Variants in GRIN2D observed in about 807,000 individuals in gnomAD.
GRIN2D encodes glutamate ionotropic receptor NMDA type subunit 2D.
Under a neutral mutation model 103.2 loss-of-function variants are expected in GRIN2D, and 37 were observed. The ratio of observed to expected loss-of-function variants is 0.36; its 90% CI spans 0.28 to 0.47. The LOEUF (loss-of-function observed/expected upper bound fraction) is 0.47, where lower values mean the gene tolerates loss of function less well. Ranked by LOEUF, GRIN2D falls within the 20% of genes least tolerant of loss-of-function variation. GRIN2D has a pLI of 1.00. For missense variants in GRIN2D, 1,557 were observed against 1,910.6 expected (o/e 0.81, Z 3.45); for synonymous variants, 845 against 885.6 (o/e 0.95, Z 0.81).
Position 48,398,429 on chromosome 19 carries a change from C to A in GRIN2D, c.37C>A (p.Pro13Thr). ...CGGTGGCCCCCGCGGCCCTCGGGGC[C>A]CCGCTAAGATGCTGCTGCTGCTGGC... ...GAGGPRGPRG[P>T]AKMLLLLALA... The change falls in exon 3 of 14, where the codon CCC becomes ACC. Residue 13 changes from proline to threonine, a missense_variant. Around this residue, in one of 7 missense-constraint regions of GRIN2D, gnomAD observed 490 missense variants for 601.1 expected, o/e 0.82. Coordinates refer to ENST00000263269, the MANE Select transcript of GRIN2D (RefSeq NM_000836.4). The A allele has an allele frequency of 8.9e-7, 1 of 1,119,372 alleles. No homozygotes were observed. The allele number at this position is 1,119,372 out of a possible 1,614,324, so 69.3% of individuals were successfully genotyped here.
chr19:48,413,426 C>T (rs909207947), intron 4 of GRIN2D, among the ~76,000 whole-genome samples: 2 of 151,858 alleles, frequency 1.3e-5, no homozygotes, highest in African/African-American at 2.4e-5. Context: ...TTGCAGTGAG[C>T]GAAGATCATG....
At chr19:48,427,733 G>T (rs907713515) in intron 11 of GRIN2D, among the ~76,000 whole-genome samples, 1 of 151,704 alleles carries the variant, frequency 6.6e-6, no homozygotes, top group African/African-American at 2.4e-5. Flanking sequence ...CGCCCGTCTC[G>T]GCCTCCCAAA....
intron 11 of GRIN2D, among the ~76,000 whole-genome samples, chr19:48,426,224 C>CTTTCTTTCTTTTTTTTTTTTTTCT (rs1555893889): frequency 2.5e-5 from 3 of 120,118 alleles, no homozygotes; most frequent in African/African-American, 1.1e-4. Flanking sequence ...TTCTTTCTTT[C>CTTTCTTTCTTTTTTTTTTTTTTCT]TTTTTTTTTT....
At chr19:48,419,865 A>G in intron 10 of GRIN2D, 51 bp downstream of exon 10, 1 of 996,080 alleles carries the variant, frequency 1.0e-6, no homozygotes, top group Non-Finnish European at 1.4e-6. Flanking sequence ...GCTGGAGGTC[A>G]CAGAGCTTGT....
In GRIN2D at chr19:48,443,633, C is replaced by A; in HGVS notation, c.3707C>A (p.Pro1236Gln). The change falls in exon 14 of 14, where the codon CCG becomes CAG. Residue 1236 changes from proline to glutamine, a missense_variant. Physicochemically the swap from Pro to Gln is moderately conservative, Grantham distance 76. Transcript: ENST00000263269. The surrounding 1 kb of genome is among the most constrained non-coding windows in gnomAD (Gnocchi z 8.9). ...TGCCCGCGGTCGCACCCGCACCGCC[C>A]GCGGGCCTCGCACCGCACGCCCGCC... ...CGCPRSHPHR[P>Q]RASHRTPAAA... is the part of the protein sequence containing the mutation. 9.3e-7 allele frequency: 1 copy of A among 1,077,884 alleles called. No individual in the cohort carries two copies. The highest frequency in any genetic ancestry group is 4.1e-5 in the South Asian group (1 of 24,550). 66.8% of individuals were successfully genotyped at this position (1,077,884 alleles called of 1,614,324 possible). A position where few individuals can be genotyped will look rare whatever the true frequency, so the allele number is the denominator to read the frequency against.
intron 2 of GRIN2D, among the ~76,000 whole-genome samples, chr19:48,396,560 G>A (rs1970644581): frequency 6.6e-6 from 1 of 152,010 alleles, no homozygotes; most frequent in African/African-American, 2.4e-5. Flanking sequence ...GCGGAGTGGG[G>A]GGGTTATTCT....
intron 9 of GRIN2D, 102 bp from the exon 10 acceptor site, chr19:48,419,483 G>A (rs1970989734): frequency 5.9e-6 from 8 of 1,360,996 alleles, no homozygotes; most frequent in Non-Finnish European, 8.1e-6. Context: ...GGTGCCAGAT[G>A]CCTTGAGGGC....
At chr19:48,412,489 A>G (rs968868472) in intron 4 of GRIN2D, among the ~76,000 whole-genome samples, 1 of 144,596 alleles carries the variant, frequency 6.9e-6, no homozygotes, top group African/African-American at 2.5e-5. Context: ...AAGAGAGAGA[A>G]AGAAAGAGGC....
At position 48,443,547 on chromosome 19, in the gene GRIN2D, G is replaced by T; in HGVS notation, c.3621G>T (p.Trp1207Cys). 7.8e-7 allele frequency: 1 copy of T among 1,274,380 alleles called. No homozygotes were observed. The highest frequency in any genetic ancestry group is 2.3e-5 in the South Asian group (1 of 42,596). The allele number at this position is 1,274,380 out of a possible 1,614,324, so 78.9% of individuals were successfully genotyped here. Residue 1207 changes from tryptophan (W) to cysteine (C), a missense_variant, in exon 14 of 14, where the codon TGG becomes TGT. Physicochemically the swap from Trp to Cys is radical, Grantham distance 215 (BLOSUM62 -2). This residue lies in a region of GRIN2D where 632 missense variants were observed against 572.8 expected (regional missense o/e 1.10). Transcript: ENST00000263269. The surrounding 1 kb of genome is among the most constrained non-coding windows in gnomAD (Gnocchi z 8.9). ...ACGATGGCCTGGACGGCGGCTGGTGGGCGCCACCGCCTCCACCCTGGGCCG... is the reference window on the plus strand; with the variant it reads ...ACGATGGCCTGGACGGCGGCTGGTGTGCGCCACCGCCTCCACCCTGGGCCG... ...CSHDGLDGGW[W>C]APPPPPWAAG...
Position 48,414,196 on chromosome 19 carries a change from G to A in GRIN2D, c.1200+91G>A. ...GGGCTTGAGGTCGTGGACTAAGAGG[G>A]AGGAGGGGACAAGGAGCCTGGACTC... On this transcript the variant is annotated intron_variant, in intron 5 of 13. Coordinates refer to ENST00000263269, the MANE Select transcript of GRIN2D (RefSeq NM_000836.4). This position sits in a 1 kb window ranked among gnomAD's most constrained non-coding sequence, Gnocchi z 4.6. The A allele has an allele frequency of 3.2e-6, 3 of 926,230 alleles. No individual in the cohort carries two copies. Among genetic ancestry groups the A allele is most frequent in the Admixed American group, 2.0e-5 (1 of 50,104 alleles). 57.4% of individuals were successfully genotyped at this position (926,230 alleles called of 1,614,324 possible).
intron 11 of GRIN2D, among the ~76,000 whole-genome samples, chr19:48,437,856 A>G (rs906742582): frequency 3.9e-5 from 6 of 152,178 alleles, no homozygotes; most frequent in African/African-American, 7.2e-5. Context: ...TTTCTCGCCT[A>G]TACTTATATT....
chr19:48,443,345 C>T lies in GRIN2D; in HGVS notation c.3419C>T (p.Pro1140Leu), dbSNP rs1312748359. The change falls in exon 14 of 14, where the codon CCG (proline) becomes CTG (leucine). Residue 1140 changes from proline (P) to leucine (L), a missense_variant. Transcript: ENST00000263269. This position sits in a 1 kb window ranked among gnomAD's most constrained non-coding sequence, Gnocchi z 8.9. ...EPWWFADFPY[P>L]YAERLGPPPG... ...TGGTGGTTCGCCGACTTCCCTTACCCGTATGCCGAGCGCCTCGGGCCGCCG... is the reference window on the plus strand; with the variant it reads ...TGGTGGTTCGCCGACTTCCCTTACCTGTATGCCGAGCGCCTCGGGCCGCCG... The T allele has an allele frequency of 1.9e-5, 29 of 1,522,200 alleles. No individual in the cohort carries two copies. Among genetic ancestry groups the T allele is most frequent in the Non-Finnish European group, 2.5e-5 (29 of 1,144,504 alleles). The allele number at this position is 1,522,200 out of a possible 1,614,324, so 94.3% of individuals were successfully genotyped here. A position where few individuals can be genotyped will look rare whatever the true frequency, so the allele number is the denominator to read the frequency against.
rs139367525 is a variant in GRIN2D at position 48,414,160 on chromosome 19, T to C, written c.1200+55T>C. On this transcript the variant is annotated intron_variant, in intron 5 of 13. Coordinates refer to ENST00000263269, the MANE Select transcript of GRIN2D (RefSeq NM_000836.4). This position sits in a 1 kb window ranked among gnomAD's most constrained non-coding sequence, Gnocchi z 4.6. Reference sequence around the variant, plus strand: ...GCAGAGGGTGTGGACTCCTGCATCCTGGCAGAGGGGGGGCTTGAGGTCGTG... The same window carrying C: ...GCAGAGGGTGTGGACTCCTGCATCCCGGCAGAGGGGGGGCTTGAGGTCGTG... The C allele has an allele frequency of 1.5e-3, 1,705 of 1,119,644 alleles. 24 individuals carry two copies. The African/African-American group carries it at 0.023, about 15-fold the overall frequency. The allele number at this position is 1,119,644 out of a possible 1,614,324, so 69.4% of individuals were successfully genotyped here. A position where few individuals can be genotyped will look rare whatever the true frequency, so the allele number is the denominator to read the frequency against.
chr19:48,424,655 G>A (rs953562212), intron 11 of GRIN2D, among the ~76,000 whole-genome samples: 2 of 152,038 alleles, frequency 1.3e-5, no homozygotes, highest in Non-Finnish European at 2.9e-5. Context: ...GGGTGAGACC[G>A]TTTACATAAT....
In GRIN2D at chr19:48,441,711, C is replaced by CT. The variant is rs1459146202; in HGVS notation, c.2253-57dup. ...GGTTACAGGTGAGGAGGTTCCAGGCCTGGCGGCCAGGGCATCTAGGTGGGA... is the reference window on the plus strand; with the variant it reads ...GGTTACAGGTGAGGAGGTTCCAGGCCTTGGCGGCCAGGGCATCTAGGTGGGA... On this transcript the variant is annotated intron_variant, in intron 11 of 13. Coordinates refer to ENST00000263269, the MANE Select transcript of GRIN2D (RefSeq NM_000836.4). The CT allele has an allele frequency of 6.2e-6, 9 of 1,456,550 alleles. No homozygotes were observed. The Admixed American group carries it at 1.8e-4, about 29-fold the overall frequency. 90.2% of individuals were successfully genotyped at this position (1,456,550 alleles called of 1,614,324 possible). A position where few individuals can be genotyped will look rare whatever the true frequency, so the allele number is the denominator to read the frequency against.
At position 48,442,721 on chromosome 19, in the gene GRIN2D, T is replaced by C. The variant is rs1481744073; in HGVS notation, c.2795T>C (p.Phe932Ser). The change falls in exon 14 of 14, where the codon TTC becomes TCC. Residue 932 changes from phenylalanine (F) to serine (S), a missense_variant. By Grantham distance (155) the Phe-to-Ser change is radical (BLOSUM62 -2). Around this residue, in one of 7 missense-constraint regions of GRIN2D, gnomAD observed 632 missense variants for 572.8 expected, o/e 1.10. Transcript: ENST00000263269. The surrounding 1 kb of genome is among the most constrained non-coding windows in gnomAD (Gnocchi z 7.2). ...APRPAPGPAP[F>S]VPRERASVDR... is the part of the protein sequence containing the mutation. ...CGGCCGGCTCCCGGGCCCGCACCTT[T>C]CGTGCCCCGCGAGCGCGCCTCAGTG... The C allele has an allele frequency of 2.7e-6, 3 of 1,122,566 alleles. No individual in the cohort carries two copies. The highest frequency in any genetic ancestry group is 3.3e-6 in the Non-Finnish European group (3 of 918,166). 69.5% of individuals were successfully genotyped at this position (1,122,566 alleles called of 1,614,324 possible). A position where few individuals can be genotyped will look rare whatever the true frequency, so the allele number is the denominator to read the frequency against.
At position 48,421,623 on chromosome 19, in the gene GRIN2D, G is replaced by T. The variant is rs1417651172; in HGVS notation, c.2092-162G>T. Among the ~76,000 whole-genome samples the T allele has an allele frequency of 1.3e-5, 2 of 152,194 alleles. No individual in the cohort carries two copies. The highest frequency in any genetic ancestry group is 2.9e-5 in the Non-Finnish European group (2 of 68,042). On this transcript the variant is annotated intron_variant, in intron 10 of 13. Transcript: ENST00000263269. This position sits in a 1 kb window ranked among gnomAD's most constrained non-coding sequence, Gnocchi z 4.8. ...GTCTGCAACCGTGTGTGCTGGGTGG[G>T]AGTGGAAAAGCATTCCCTAATGTAG...
chr19:48,433,825 T>C (rs1337018196), intron 11 of GRIN2D, among the ~76,000 whole-genome samples: 1 of 152,250 alleles, frequency 6.6e-6, no homozygotes, highest in Non-Finnish European at 1.5e-5. Flanking sequence ...CTTGCCTTTT[T>C]CCACGGAGAA....
chr19:48,438,134 T>C (rs1971252315), intron 11 of GRIN2D, among the ~76,000 whole-genome samples: 1 of 152,092 alleles, frequency 6.6e-6, no homozygotes, highest in Non-Finnish European at 1.5e-5. Context: ...GGCATTTATA[T>C]GTGAGCCTGT....
Sources: allele counts gnomAD v4.1 joint callset (sites outside exome capture counted in the v4.1 genomes callset), GRCh38; gene constraint gnomAD v4.1.1; regional missense constraint gnomAD v4.1.1; non-coding constraint Gnocchi (gnomAD v3.1); transcripts MANE v1.5; gene names NCBI Gene and HGNC (gene_info 2026-07-23, HGNC 2026-07-21).